The following RETREG1 variants were observed in gnomAD, a reference collection of about 807,000 sequenced individuals.
RETREG1 encodes the protein family with sequence similarity 134 member B.
Under a neutral mutation model 54.8 loss-of-function variants are expected in RETREG1, and 44 were observed. That is an observed-to-expected ratio of 0.80 (90% CI 0.63 to 1.03). The LOEUF (loss-of-function observed/expected upper bound fraction) is 1.03. Among genes scored for constraint, RETREG1 ranks in the 50% least tolerant of loss-of-function variants. The pLI is 0.00. For missense variants in RETREG1, 554 were observed against 605.1 expected, an observed-to-expected ratio of 0.92 and a Z score of 0.89; for synonymous variants, 217 against 238.5, an observed-to-expected ratio of 0.91 and a Z score of 0.83.
intron 1 of RETREG1, among the ~76,000 whole-genome samples, chr5:16,607,918 C>T (rs563277066): frequency 5.0e-4 from 75 of 151,002 alleles, no homozygotes; most frequent in South Asian, 4.0e-3. Context: ...CTCACTCTGT[C>T]GTCCAGGCTG....
rs1738607776 is a variant in RETREG1, at chr5:16,477,867, C to T, written c.874-79G>A. The T allele has an allele frequency of 6.4e-6, 10 of 1,553,052 alleles. No individual in the cohort carries two copies. In the South Asian group the frequency reaches 1.0e-4, roughly 16 times the overall value. On this transcript the variant is annotated intron_variant, in intron 7 of 8. Transcript: ENST00000306320. Reference sequence around the variant, plus strand: ...ATTTTGAAAAATCCATATGAACCCCCAAAATGACAGAGTAATAAAAACCAA... The same window carrying T: ...ATTTTGAAAAATCCATATGAACCCCTAAAATGACAGAGTAATAAAAACCAA...
chr5:16,498,486 A>C (rs1211508903), intron 3 of RETREG1, among the ~76,000 whole-genome samples: 1 of 152,222 alleles, frequency 6.6e-6, no homozygotes, highest in African/African-American at 2.4e-5. Flanking sequence ...GTCGAGGCGG[A>C]TGGATTGTTT....
At chr5:16,560,851 A>G (rs1741835351) in intron 3 of RETREG1, among the ~76,000 whole-genome samples, 1 of 152,236 alleles carries the variant, frequency 6.6e-6, no homozygotes, top group African/African-American at 2.4e-5. Flanking sequence ...ATATCGAATC[A>G]TCAAAGAAAT....
At chr5:16,606,069 T>C (rs1743183134) in intron 1 of RETREG1, among the ~76,000 whole-genome samples, 2 of 152,108 alleles carry the variant, frequency 1.3e-5, no homozygotes, top group Non-Finnish European at 2.9e-5. Flanking sequence ...ATAGAGTGGA[T>C]AGCCATGTCC....
intron 3 of RETREG1, among the ~76,000 whole-genome samples, chr5:16,494,020 T>C (rs915294181): frequency 1.3e-5 from 2 of 152,232 alleles, no homozygotes; most frequent in Admixed American, 6.5e-5. Context: ...CTAGGCTGTT[T>C]AATTAGGTCA....
At chr5:16,569,974 C>A (rs1469220900) in intron 2 of RETREG1, among the ~76,000 whole-genome samples, 5 of 152,232 alleles carry the variant, frequency 3.3e-5, no homozygotes, top group Non-Finnish European at 7.3e-5. Context: ...AGGAATGGAT[C>A]CTTCCTTAGA....
At chr5:16,592,880 CTG>C (rs1030257613) in intron 1 of RETREG1, among the ~76,000 whole-genome samples, 16 of 152,136 alleles carry the variant, frequency 1.1e-4, no homozygotes, top group Admixed American at 2.6e-4. Flanking sequence ...ACAACAGACA[CTG>C]GGCCTATTGG....
At position 16,561,264 on chromosome 5, in the gene RETREG1, G is replaced by A. The variant is rs188176331; in HGVS notation, c.458+4499C>T. ...TGTAATCCCAGCACTTTGGGAGGCC[G>A]AGTCGGGCGGATCATGAGGTCAGGA... On this transcript the variant is annotated intron_variant, in intron 3 of 8. Transcript: ENST00000306320. This position sits in a 1 kb window ranked among gnomAD's most constrained non-coding sequence, Gnocchi z 4.2. 2.7e-3 allele frequency among the ~76,000 whole-genome samples: 408 copies of A among 152,176 alleles called. 2 individuals are homozygous for A. The highest frequency in any genetic ancestry group is 6.4e-3 in the African/African-American group (267 of 41,510).
chr5:16,608,327 A>G (rs377283997), intron 1 of RETREG1, among the ~76,000 whole-genome samples: 1 of 152,062 alleles, frequency 6.6e-6, no homozygotes, highest in East Asian at 1.9e-4. Context: ...TCTGTCCCCA[A>G]AACAGACCCT....
chr5:16,527,109 C>A (rs1278805997), intron 3 of RETREG1, among the ~76,000 whole-genome samples: 3 of 152,214 alleles, frequency 2.0e-5, no homozygotes, highest in South Asian at 2.1e-4. Flanking sequence ...CTTCCCCCGC[C>A]AGGTGATGAT....
chr5:16,582,662 GA>G (rs10561101), intron 1 of RETREG1, among the ~76,000 whole-genome samples: 113,558 of 145,306 alleles, frequency 0.78, 45,144 homozygotes, highest in Non-Finnish European at 0.88. Context: ...AATAAAATAA[GA>G]AAAAAAAAAA....
At chr5:16,578,979 G>A (rs893088987) in intron 1 of RETREG1, among the ~76,000 whole-genome samples, 5 of 152,298 alleles carry the variant, frequency 3.3e-5, no homozygotes, top group South Asian at 2.1e-4. Context: ...CTTTGACTTC[G>A]AAAGACATCT....
chr5:16,474,909 G>C lies in RETREG1; in HGVS notation c.1326C>G (p.Ile442Met). Residue 442 changes from isoleucine to methionine, a missense_variant, in exon 9 of 9, where the codon ATC becomes ATG. Ile to Met is a conservative substitution (Grantham distance 10, BLOSUM62 1). Around this residue, in one of 4 missense-constraint regions of RETREG1, gnomAD observed 347 missense variants for 412.3 expected, o/e 0.84. Coordinates refer to ENST00000306320, the MANE Select transcript of RETREG1 (RefSeq NM_001034850.3). ...CTTCAGTGTCTGTGTCCTCTTCTGG[G>C]ATGGGGGCAGCCTGAGAAAGTGCTT... is the stretch of plus-strand genomic sequence containing the variant. The part of the protein sequence containing the change: ...VQQALSQAAP[I>M]PEEDTDTEEG... 1 of 1,613,826 alleles carries C rather than the reference G, an allele frequency of 6.2e-7. No homozygotes were observed. Among genetic ancestry groups the C allele is most frequent in the Non-Finnish European group, 8.5e-7 (1 of 1,179,930 alleles).
intron 1 of RETREG1, among the ~76,000 whole-genome samples, chr5:16,603,459 C>G (rs1743100136): frequency 6.6e-6 from 1 of 152,160 alleles, no homozygotes; most frequent in Non-Finnish European, 1.5e-5. Context: ...AGGCTGGGGA[C>G]AACCTCGCTG....
At chr5:16,557,147 A>G (rs1169370864) in intron 3 of RETREG1, among the ~76,000 whole-genome samples, 7 of 152,176 alleles carry the variant, frequency 4.6e-5, no homozygotes, top group Non-Finnish European at 1.0e-4. Context: ...TAGTGTCTCA[A>G]GAAATATATC....
At chr5:16,532,252 C>T (rs1299315554) in intron 3 of RETREG1, among the ~76,000 whole-genome samples, 1 of 152,190 alleles carries the variant, frequency 6.6e-6, no homozygotes, top group Non-Finnish European at 1.5e-5. Context: ...CTGGGCTGGG[C>T]GTGGTGGCTC....
chr5:16,562,208 G>A (rs879901477), intron 3 of RETREG1, among the ~76,000 whole-genome samples: 6 of 152,122 alleles, frequency 3.9e-5, no homozygotes, highest in African/African-American at 9.7e-5. Flanking sequence ...CCAGCTACTC[G>A]GGAGGCTGAG....
chr5:16,504,338 T>C (rs1328630449), intron 3 of RETREG1, among the ~76,000 whole-genome samples: 1 of 152,226 alleles, frequency 6.6e-6, no homozygotes, highest in East Asian at 1.9e-4. Flanking sequence ...ATGTCTTTGC[T>C]ATTGTGAATA....
chr5:16,534,899 T>G (rs575344601), intron 3 of RETREG1, among the ~76,000 whole-genome samples: 1 of 152,294 alleles, frequency 6.6e-6, no homozygotes, highest in Admixed American at 6.5e-5. Flanking sequence ...CATCGGGCAT[T>G]TTTACTGAGC....
Sources: allele counts gnomAD v4.1 joint callset (sites outside exome capture counted in the v4.1 genomes callset), GRCh38; gene constraint gnomAD v4.1.1; regional missense constraint gnomAD v4.1.1; non-coding constraint Gnocchi (gnomAD v3.1); transcripts MANE v1.5; gene names NCBI Gene and HGNC (gene_info 2026-07-23, HGNC 2026-07-21).